ZCCHC4: variants seen among roughly 807,000 people sequenced by gnomAD.
ZCCHC4 encodes zinc finger CCHC-type containing 4, also known as rRNA N(6)-adenosine-methyltransferase ZCCHC4.
In ZCCHC4, 54 loss-of-function variants were observed where a neutral mutation model predicts 67.7. That is an observed-to-expected ratio of 0.80 (90% CI 0.64 to 1.00). The LOEUF is 1.00. Among genes scored for constraint, ZCCHC4 ranks in the 50% least tolerant of loss-of-function variants. The pLI, the probability that ZCCHC4 is intolerant of heterozygous loss-of-function variation, is 0.00. For missense variants in ZCCHC4, 609 were observed against 617.0 expected (o/e 0.99, Z 0.14); for synonymous variants, 198 against 213.5 (o/e 0.93, Z 0.63).
chr4:25,349,855 TA>T (rs1283816301), intron 7 of ZCCHC4, among the ~76,000 whole-genome samples: 1 of 152,168 alleles, frequency 6.6e-6, no homozygotes, highest in Non-Finnish European at 1.5e-5. Context: ...GGCTTATAGG[TA>T]AAATACTATG....
intron 8 of ZCCHC4, 165 bp from the exon 9 acceptor site, chr4:25,361,694 C>G: frequency 1.6e-6 from 1 of 642,214 alleles, no homozygotes; most frequent in Non-Finnish European, 2.6e-6. Flanking sequence ...CACCACTGGT[C>G]CACCCACTCC....
chr4:25,317,517 G>T (rs1298520952), intron 3 of ZCCHC4, among the ~76,000 whole-genome samples: 6 of 151,904 alleles, frequency 3.9e-5, no homozygotes, highest in Admixed American at 2.6e-4. Context: ...TTCGAGACCA[G>T]CCTGGCCAAC....
chr4:25,339,382 T>C (rs547178260), intron 5 of ZCCHC4, among the ~76,000 whole-genome samples: 24 of 152,374 alleles, frequency 1.6e-4, no homozygotes, highest in Non-Finnish European at 3.1e-4. Flanking sequence ...CCAAAGTGGC[T>C]GCATCATATT....
intron 10 of ZCCHC4, among the ~76,000 whole-genome samples, chr4:25,363,318 G>T (rs558860539): frequency 3.3e-5 from 5 of 152,234 alleles, no homozygotes; most frequent in Admixed American, 6.5e-5. Flanking sequence ...AGGCATTAAA[G>T]GTTCCTTCAT....
At chr4:25,347,453 C>T (rs146088898) in intron 6 of ZCCHC4, among the ~76,000 whole-genome samples, 71 of 152,288 alleles carry the variant, frequency 4.7e-4, no homozygotes, top group Middle Eastern at 3.4e-3. Context: ...AGAAAAGAGT[C>T]GTCCAGCTCA....
intron 3 of ZCCHC4, among the ~76,000 whole-genome samples, chr4:25,327,469 A>C (rs1006701823): frequency 9.3e-6 from 1 of 107,030 alleles, no homozygotes; most frequent in Non-Finnish European, 1.8e-5. Context: ...TTCGTCCCCC[A>C]CCACCCTTCC....
chr4:25,332,261 T>C lies in ZCCHC4; in HGVS notation c.330-922T>C, dbSNP rs534980231. On this transcript the variant is annotated intron_variant, in intron 3 of 12. Coordinates refer to ENST00000302874, the MANE Select transcript of ZCCHC4 (RefSeq NM_024936.3). Reference sequence around the variant, plus strand: ...AGGTGGAGGCTGCAGTGAGCCAAGATTGCGCCACGGCACTCTAGCCTGGGT... The same window carrying C: ...AGGTGGAGGCTGCAGTGAGCCAAGACTGCGCCACGGCACTCTAGCCTGGGT... 2.8e-4 allele frequency among the ~76,000 whole-genome samples: 41 copies of C among 144,716 alleles called. No homozygotes were observed. In the South Asian group the frequency reaches 8.7e-3, roughly 31 times the overall value. 94.9% of individuals were successfully genotyped at this position (144,716 alleles called of 152,430 possible).
intron 8 of ZCCHC4, among the ~76,000 whole-genome samples, chr4:25,353,478 T>C (rs1439857439): frequency 2.0e-5 from 3 of 152,360 alleles, no homozygotes; most frequent in Admixed American, 2.0e-4. Context: ...GCTTCTAGTA[T>C]TGACATTTGC....
intron 6 of ZCCHC4, among the ~76,000 whole-genome samples, chr4:25,348,747 C>G (rs1720141248): frequency 6.6e-6 from 1 of 152,082 alleles, no homozygotes; most frequent in African/African-American, 2.4e-5. Flanking sequence ...CTCAGGGATA[C>G]TGAGGGGACT....
intron 3 of ZCCHC4, among the ~76,000 whole-genome samples, chr4:25,330,471 C>T (rs1379462119): frequency 6.6e-6 from 1 of 152,106 alleles, no homozygotes; most frequent in Non-Finnish European, 1.5e-5. Context: ...TGTTCTTGAG[C>T]AGGATTTAGC....
chr4:25,336,319 C>G (rs566972347), intron 5 of ZCCHC4, among the ~76,000 whole-genome samples: 1 of 152,126 alleles, frequency 6.6e-6, no homozygotes, highest in East Asian at 1.9e-4. Flanking sequence ...CTTCATGCCT[C>G]TTATGGCTGG....
At chr4:25,355,387 A>G (rs1342662730) in intron 8 of ZCCHC4, among the ~76,000 whole-genome samples, 22 of 152,224 alleles carry the variant, frequency 1.4e-4, no homozygotes, top group Admixed American at 1.4e-3. Context: ...GAATTTGTTG[A>G]GAATACCAGG....
At chr4:25,345,820 A>G (rs560682750) in intron 6 of ZCCHC4, among the ~76,000 whole-genome samples, 200 bp downstream of exon 6, 2 of 152,096 alleles carry the variant, frequency 1.3e-5, no homozygotes, top group East Asian at 3.9e-4. Flanking sequence ...ACTTCTCACT[A>G]CTTTTTGGAT....
chr4:25,356,207 T>A (rs1172321273), intron 8 of ZCCHC4, among the ~76,000 whole-genome samples: 1 of 152,192 alleles, frequency 6.6e-6, no homozygotes, highest in African/African-American at 2.4e-5. Context: ...TATTTGAAAA[T>A]GCCTCTCATC....
intron 5 of ZCCHC4, among the ~76,000 whole-genome samples, chr4:25,340,306 A>G (rs1048347998): frequency 6.6e-6 from 1 of 152,350 alleles, no homozygotes; most frequent in African/African-American, 2.4e-5. Context: ...CAAAAGGACC[A>G]CAAATATATA....
chr4:25,333,481 G>T, intron 4 of ZCCHC4, 23 bp downstream of exon 4: 1 of 1,610,672 alleles, frequency 6.2e-7, no homozygotes, highest in Non-Finnish European at 8.5e-7. Context: ...ATTTTTTAAA[G>T]AATTATCTTC....
intron 12 of ZCCHC4, 114 bp from the exon 13 acceptor site, chr4:25,368,915 G>T: frequency 2.3e-6 from 3 of 1,284,016 alleles, no homozygotes; most frequent in Non-Finnish European, 2.1e-6. Flanking sequence ...CAATACAGTA[G>T]ATTCTTTCCC....
intron 6 of ZCCHC4, among the ~76,000 whole-genome samples, chr4:25,348,090 T>G (rs1720110638): frequency 6.6e-6 from 1 of 152,226 alleles, no homozygotes; most frequent in Non-Finnish European, 1.5e-5. Context: ...CTTTTAACTC[T>G]AAGGAGTTTG....
chr4:25,361,950 A>C lies in ZCCHC4; in HGVS notation c.1103A>C (p.Lys368Thr). ...ATTTTCACCAACATTCCGCCCAACA[A>C]AATAATCCTTCCTACTGAAGAAGGG... is the stretch of plus-strand genomic sequence containing the variant. ...VRIFTNIPPN[K>T]IILPTEEGYR... The change falls in exon 9 of 13, where the codon AAA (lysine) becomes ACA (threonine). Residue 368 changes from lysine to threonine, a missense_variant. Coordinates refer to ENST00000302874, the MANE Select transcript of ZCCHC4 (RefSeq NM_024936.3). The C allele has an allele frequency of 2.5e-6, 4 of 1,614,042 alleles. No individual in the cohort carries two copies. The highest frequency in any genetic ancestry group is 3.4e-6 in the Non-Finnish European group (4 of 1,179,962).
Sources: allele counts gnomAD v4.1 joint callset (sites outside exome capture counted in the v4.1 genomes callset), GRCh38; gene constraint gnomAD v4.1.1; transcripts MANE v1.5; gene names NCBI Gene and HGNC (gene_info 2026-07-23, HGNC 2026-07-21).